PRKN: variants seen among roughly 807,000 people sequenced by gnomAD.
PRKN encodes the protein E3 ubiquitin-protein ligase parkin.
PRKN carries 56 observed loss-of-function variants against 59.5 expected under a neutral mutation model. The observed-to-expected ratio is 0.94, with a 90% CI of 0.76 to 1.18. The LOEUF is 1.18. Among genes scored for constraint, PRKN ranks in the 50% most tolerant of loss-of-function variants. The pLI is 0.00. For missense variants in PRKN, 657 were observed against 596.4 expected (o/e 1.10, Z -1.06); for synonymous variants, 250 against 222.1 (o/e 1.13, Z -1.12).
At chr6:162,481,368 T>C (rs1792304258) in intron 1 of PRKN, among the ~76,000 whole-genome samples, 2 of 152,202 alleles carry the variant, frequency 1.3e-5, no homozygotes, top group African/African-American at 4.8e-5. Context: ...AGCTAATTAT[T>C]CTGAAACTGG....
At chr6:162,006,890 G>T (rs79218517) in intron 5 of PRKN, among the ~76,000 whole-genome samples, 3,116 of 151,954 alleles carry the variant, frequency 0.021, 115 homozygotes, top group African/African-American at 0.072. Flanking sequence ...AGCTCCATAA[G>T]TCCAGTGGCC....
At chr6:162,059,853 T>C (rs1448495123) in intron 4 of PRKN, among the ~76,000 whole-genome samples, 1 of 152,242 alleles carries the variant, frequency 6.6e-6, no homozygotes. Context: ...TCCCACCTTA[T>C]ACAGACTCTG....
At chr6:162,104,362 T>C (rs1399437543) in intron 4 of PRKN, among the ~76,000 whole-genome samples, 1 of 152,192 alleles carries the variant, frequency 6.6e-6, no homozygotes, top group Non-Finnish European at 1.5e-5. Flanking sequence ...AGGGAATCTA[T>C]GTAACCTTCC....
chr6:162,557,256 A>T (rs927565148), intron 1 of PRKN, among the ~76,000 whole-genome samples: 1 of 152,186 alleles, frequency 6.6e-6, no homozygotes, highest in Admixed American at 6.5e-5. Context: ...GCCAGCTGTT[A>T]TAATACACCA....
At chr6:161,890,548 C>T (rs1002969292) in intron 6 of PRKN, among the ~76,000 whole-genome samples, 32 of 152,118 alleles carry the variant, frequency 2.1e-4, no homozygotes, top group African/African-American at 6.3e-4. Flanking sequence ...GCCATGCGGC[C>T]GGATTTAAGC....
Position 161,395,005 on chromosome 6 carries a change from A to G in PRKN, c.1084-8128T>C, listed in dbSNP as rs888001558. On this transcript the variant is annotated intron_variant, in intron 9 of 11. Coordinates refer to ENST00000366898, the MANE Select transcript of PRKN (RefSeq NM_004562.3). The surrounding 1 kb of genome is among the most constrained non-coding windows in gnomAD (Gnocchi z 5.0). ...TGAAATATCATTTGCAGAGTCATGGATTTTTAAAAAGTAGGTATTCTTTGA... is the reference window on the plus strand; with the variant it reads ...TGAAATATCATTTGCAGAGTCATGGGTTTTTAAAAAGTAGGTATTCTTTGA... Among the ~76,000 whole-genome samples, 2 of 152,124 alleles carry G rather than the reference A, an allele frequency of 1.3e-5. No homozygotes were observed. Among genetic ancestry groups the G allele is most frequent in the African/African-American group, 4.8e-5 (2 of 41,410 alleles).
At chr6:161,512,812 G>A (rs185756767) in intron 9 of PRKN, among the ~76,000 whole-genome samples, 4 of 152,218 alleles carry the variant, frequency 2.6e-5, no homozygotes, top group African/African-American at 7.2e-5. Context: ...ATGGGGGCTG[G>A]AAGTTAGCAT....
chr6:162,185,614 G>C (rs1489907409), intron 4 of PRKN, among the ~76,000 whole-genome samples: 1 of 152,118 alleles, frequency 6.6e-6, no homozygotes. Flanking sequence ...CTAAATGACA[G>C]CAGCTCTGTG....
At chr6:161,586,766 C>T (rs910094638) in intron 7 of PRKN, among the ~76,000 whole-genome samples, 1 of 152,168 alleles carries the variant, frequency 6.6e-6, no homozygotes, top group Non-Finnish European at 1.5e-5. Flanking sequence ...CAATTTACAT[C>T]TAAGTTCATC....
intron 1 of PRKN, among the ~76,000 whole-genome samples, chr6:162,647,747 A>G (rs1248415630): frequency 2.0e-5 from 3 of 152,050 alleles, no homozygotes; most frequent in Non-Finnish European, 4.4e-5. Context: ...GGAAGCAGAA[A>G]GTTTGTTTCT....
chr6:162,646,006 C>G (rs1778165604), intron 1 of PRKN, among the ~76,000 whole-genome samples: 1 of 151,576 alleles, frequency 6.6e-6, no homozygotes, highest in Non-Finnish European at 1.5e-5. Flanking sequence ...TCCCCAGTAG[C>G]TGGGACTTCA....
chr6:161,881,779 G>T (rs1360963725), intron 6 of PRKN, among the ~76,000 whole-genome samples: 7 of 152,204 alleles, frequency 4.6e-5, no homozygotes, highest in Non-Finnish European at 1.0e-4. Context: ...ATTGGACTCA[G>T]AAAGGGCAAC....
intron 7 of PRKN, among the ~76,000 whole-genome samples, chr6:161,691,339 C>T (rs970164459): frequency 1.7e-4 from 26 of 152,304 alleles, no homozygotes; most frequent in African/African-American, 5.8e-4. Context: ...AGCTCTCACC[C>T]GGGTTTGCCA....
rs779918769 is a variant in PRKN at position 161,419,926 on chromosome 6, C to A, written c.1084-33049G>T. ...AAAGTTCCTAGCACTGCGCCTGGCA[C>A]GTAAAAGGCACTTGTTTAAGAACTT... On this transcript the variant is annotated intron_variant, in intron 9 of 11. Transcript: ENST00000366898. The surrounding 1 kb of genome is among the most constrained non-coding windows in gnomAD (Gnocchi z 4.1). 6.6e-6 allele frequency among the ~76,000 whole-genome samples: 1 copy of A among 151,986 alleles called. No homozygotes were observed. The highest frequency in any genetic ancestry group is 2.4e-5 in the African/African-American group (1 of 41,384).
At position 161,475,988 on chromosome 6, in the gene PRKN, C is replaced by T. The variant is rs1161187176; in HGVS notation, c.1083+72866G>A. Among the ~76,000 whole-genome samples the T allele has an allele frequency of 4.6e-5, 7 of 151,912 alleles. No homozygotes were observed. The highest frequency in any genetic ancestry group is 3.3e-4 in the Admixed American group (5 of 15,242). On this transcript the variant is annotated intron_variant, in intron 9 of 11. Coordinates refer to ENST00000366898, the MANE Select transcript of PRKN (RefSeq NM_004562.3). The surrounding 1 kb of genome is among the most constrained non-coding windows in gnomAD (Gnocchi z 5.3). ...GATCACGAGGTCAGGAGATGGAGAC[C>T]ATCCTGGTTAACACGGTGAAAGCCT...
At chr6:161,605,931 C>G (rs1024770489) in intron 7 of PRKN, among the ~76,000 whole-genome samples, 1 of 152,100 alleles carries the variant, frequency 6.6e-6, no homozygotes, top group African/African-American at 2.4e-5. Flanking sequence ...CAGCAAGATG[C>G]GGACATGTGT....
chr6:161,968,112 C>T (rs1583417740), intron 6 of PRKN, among the ~76,000 whole-genome samples: 3 of 151,976 alleles, frequency 2.0e-5, no homozygotes, highest in Admixed American at 2.0e-4. Context: ...CTTCCGCCTC[C>T]CGGGTTCAAG....
At chr6:162,526,079 G>A (rs1455302983) in intron 1 of PRKN, among the ~76,000 whole-genome samples, 1 of 152,008 alleles carries the variant, frequency 6.6e-6, no homozygotes, top group South Asian at 2.1e-4. Flanking sequence ...TGAGGCTCAA[G>A]CGATCCGCCT....
intron 1 of PRKN, among the ~76,000 whole-genome samples, chr6:162,600,107 AC>A (rs753126687): frequency 1.3e-5 from 2 of 152,172 alleles, no homozygotes; most frequent in Non-Finnish European, 2.9e-5. Context: ...TGCTTTCATC[AC>A]CCCAATAGCT....
Sources: gnomAD v4.1 joint callset for allele counts (sites outside exome capture counted in the v4.1 genomes callset) on GRCh38, gnomAD v4.1.1 for gene constraint, Gnocchi (gnomAD v3.1) non-coding constraint, MANE v1.5 for transcripts, NCBI Gene and HGNC (gene_info 2026-07-23, HGNC 2026-07-21) for gene names.